SGCG: variants seen among roughly 807,000 people sequenced by gnomAD.
SGCG encodes the protein sarcoglycan gamma, also known as gamma-sarcoglycan.
Under a neutral mutation model 29.3 loss-of-function variants are expected in SGCG, and 26 were observed. That is an observed-to-expected ratio of 0.89 (90% CI 0.65 to 1.23). SGCG has a LOEUF of 1.23. Ranked by LOEUF, SGCG falls within the 50% of genes most tolerant of loss-of-function variation. The pLI, the probability that SGCG is intolerant of heterozygous loss-of-function variation, is 0.00. For synonymous variants in SGCG, 145 were observed against 129.7 expected (o/e 1.12, Z -0.80); for missense variants, 353 against 356.0 (o/e 0.99, Z 0.07).
At chr13:23,231,725 T>G (rs1879121435) in intron 2 of SGCG, among the ~76,000 whole-genome samples, 1 of 152,224 alleles carries the variant, frequency 6.6e-6, no homozygotes, top group African/African-American at 2.4e-5. Flanking sequence ...TATAAATGCC[T>G]GGCTGGATCC....
chr13:23,297,215 CACAG>C (rs145350255), intron 6 of SGCG, among the ~76,000 whole-genome samples: 2,700 of 145,976 alleles, frequency 0.018, 54 homozygotes, highest in East Asian at 0.12. Context: ...AAAAGTCAAA[CACAG>C]ACAATCTTTT....
At chr13:23,163,524 T>C in the SGCG span, among the ~76,000 whole-genome samples, 17 of 152,172 alleles carry the variant, frequency 1.1e-4, no homozygotes, top group African/African-American at 7.2e-5. Context: ...TGGGATCACC[T>C]AAATTAAATC....
At chr13:23,181,986 C>T (rs1023675677) in intron 1 of SGCG, among the ~76,000 whole-genome samples, 34 of 152,096 alleles carry the variant, frequency 2.2e-4, no homozygotes, top group Admixed American at 2.1e-3. Context: ...AGTTGGGGTT[C>T]GTTTTATAGG....
intron 2 of SGCG, among the ~76,000 whole-genome samples, chr13:23,214,990 T>C (rs1878372062): frequency 6.6e-6 from 1 of 152,202 alleles, no homozygotes; most frequent in East Asian, 1.9e-4. Context: ...TTATTATCGG[T>C]GTCTAAAGAT....
At chr13:23,212,462 T>A (rs61948486) in intron 2 of SGCG, among the ~76,000 whole-genome samples, 1 of 152,114 alleles carries the variant, frequency 6.6e-6, no homozygotes, top group Non-Finnish European at 1.5e-5. Flanking sequence ...ATAAAACTTA[T>A]GCTCTGTAAG....
At chr13:23,180,158 G>A (rs189400021), upstream of SGCG, among the ~76,000 whole-genome samples, 1 of 152,218 alleles carries the variant, frequency 6.6e-6, no homozygotes, top group Admixed American at 6.5e-5. Context: ...AATTTAGTAA[G>A]TTTTAATCCT....
At chr13:23,246,080 T>G (rs2137561127) in intron 3 of SGCG, 1 of 152,504 alleles carries the variant, frequency 6.6e-6, no homozygotes, top group East Asian at 2.0e-4. Flanking sequence ...AAGAGCAGCT[T>G]CAGCAGCAGC....
chr13:23,191,033 G>T (rs1359070228), intron 1 of SGCG, among the ~76,000 whole-genome samples: 1 of 152,012 alleles, frequency 6.6e-6, no homozygotes, highest in Non-Finnish European at 1.5e-5. Flanking sequence ...CTGGATAACA[G>T]AACACAAAAT....
intron 4 of SGCG, among the ~76,000 whole-genome samples, chr13:23,257,848 G>A (rs915965068): frequency 3.3e-4 from 50 of 152,302 alleles, no homozygotes; most frequent in Non-Finnish European, 3.1e-4. Flanking sequence ...TCAAAGATCA[G>A]ATGGTTGTAG....
At chr13:23,300,832 A>AGG (rs369393372) in intron 6 of SGCG, among the ~76,000 whole-genome samples, 46 of 131,648 alleles carry the variant, frequency 3.5e-4, no homozygotes, top group South Asian at 7.7e-4. Context: ...AAAAAAAAAA[A>AGG]GGGCCGGGCG....
chr13:23,310,262 A>AT (rs1309608123), intron 6 of SGCG, among the ~76,000 whole-genome samples: 2 of 151,000 alleles, frequency 1.3e-5, no homozygotes, highest in Non-Finnish European at 3.0e-5. Context: ...AATTTTTTGT[A>AT]TTTTTAGTAG....
chr13:23,227,568 C>G (rs919133424), intron 2 of SGCG, among the ~76,000 whole-genome samples: 11 of 152,150 alleles, frequency 7.2e-5, no homozygotes, highest in African/African-American at 2.7e-4. Context: ...CCGTTTGGCA[C>G]ACAACCAATG....
chr13:23,180,153 A>T (rs894343588), upstream of SGCG, among the ~76,000 whole-genome samples: 1 of 152,188 alleles, frequency 6.6e-6, no homozygotes, highest in African/African-American at 2.4e-5. Flanking sequence ...TATATAATTT[A>T]GTAAGTTTTA....
At chr13:23,168,168 T>G in the SGCG span, among the ~76,000 whole-genome samples, 1 of 152,164 alleles carries the variant, frequency 6.6e-6, no homozygotes, top group African/African-American at 2.4e-5. Flanking sequence ...CCGTGACTGG[T>G]TTTTTCACAT....
chr13:23,300,908 G>C (rs1303694542), intron 6 of SGCG, among the ~76,000 whole-genome samples: 1 of 151,276 alleles, frequency 6.6e-6, no homozygotes, highest in African/African-American at 2.4e-5. Flanking sequence ...GAGGTCAGGA[G>C]ATCAAGACCA....
rs563467422 is a variant in SGCG, at chr13:23,277,677, T to C, written c.386-1682T>C. On this transcript the variant is annotated intron_variant, in intron 4 of 7. Transcript: ENST00000218867. ...CACACACAAAAAAAATTATAACATATGACTTATTTTCTCAACTTCCTTTTT... is the reference window on the plus strand; with the variant it reads ...CACACACAAAAAAAATTATAACATACGACTTATTTTCTCAACTTCCTTTTT... Among the ~76,000 whole-genome samples the C allele has an allele frequency of 4.6e-5, 7 of 151,042 alleles. No homozygotes were observed. In the South Asian group the frequency reaches 1.5e-3, roughly 32 times the overall value.
the SGCG span, among the ~76,000 whole-genome samples, chr13:23,175,577 A>C: frequency 6.6e-6 from 1 of 152,148 alleles, no homozygotes. Context: ...AATTTTAGGT[A>C]GTACTCTATT....
At chr13:23,287,516 G>A (rs1041022865) in intron 5 of SGCG, among the ~76,000 whole-genome samples, 2 of 152,130 alleles carry the variant, frequency 1.3e-5, no homozygotes, top group Non-Finnish European at 1.5e-5. Flanking sequence ...ACAGAACCTG[G>A]TCAGACACTC....
chr13:23,289,677 G>A (rs1391362516), intron 5 of SGCG, among the ~76,000 whole-genome samples: 1 of 152,088 alleles, frequency 6.6e-6, no homozygotes, highest in Non-Finnish European at 1.5e-5. Context: ...TCTTATCTGT[G>A]CCATATTATT....
Sources: gnomAD v4.1 joint callset for allele counts (sites outside exome capture counted in the v4.1 genomes callset) on GRCh38, gnomAD v4.1.1 for gene constraint, MANE v1.5 for transcripts, NCBI Gene and HGNC (gene_info 2026-07-23, HGNC 2026-07-21) for gene names.